The following OR10K1 variants were observed in gnomAD, a reference collection of about 807,000 sequenced individuals.
OR10K1 encodes olfactory receptor family 10 subfamily K member 1, also known as olfactory receptor 10K1.
For missense variants in OR10K1, 404 were observed against 373.3 expected (o/e 1.08, Z -0.68); for synonymous variants, 186 against 152.5 (o/e 1.22, Z -1.62).
chr1:158,467,298 T>A lies in OR10K1; in HGVS notation c.*795T>A, dbSNP rs549025263. On this transcript the variant is annotated 3_prime_UTR_variant, in exon 2 of 2. Transcript: ENST00000641535. ...ATTCCTAGAATGACCAGAAAACTCA[T>A]GGAAAACCCTCCAGTGACTCCCTTT... 1 of 152,266 alleles carries A rather than the reference T, an allele frequency of 6.6e-6. No individual in the cohort carries two copies. The highest frequency in any genetic ancestry group is 2.4e-5 in the African/African-American group (1 of 41,558). The allele number at this position is 152,266 out of a possible 1,614,324, so 9.4% of individuals were successfully genotyped here.
At chr1:158,464,118 C>T (rs1360155984) in intron 1 of OR10K1, among the ~76,000 whole-genome samples, 2 of 151,892 alleles carry the variant, frequency 1.3e-5, no homozygotes, top group Admixed American at 1.3e-4. Flanking sequence ...TAGCAGATGC[C>T]AATAATTTCC....
chr1:158,465,433 T>C lies in OR10K1; in HGVS notation c.-129T>C. The stretch of plus-strand genomic sequence containing the variant: ...GGCATTTTAATGGGGGAATGAAGAA[T>C]TCCATCAAATATCTGGAAATGCCTG... On this transcript the variant is annotated 5_prime_UTR_variant, in exon 2 of 2. Coordinates refer to ENST00000641535, the MANE Select transcript of OR10K1 (RefSeq NM_001004473.2). 1.4e-6 allele frequency: 1 copy of C among 705,176 alleles called. No individual in the cohort carries two copies. Among genetic ancestry groups the C allele is most frequent in the South Asian group, 1.9e-5 (1 of 51,938 alleles). 43.7% of individuals were successfully genotyped at this position (705,176 alleles called of 1,614,324 possible). A position where few individuals can be genotyped will look rare whatever the true frequency, so the allele number is the denominator to read the frequency against.
chr1:158,463,732 T>C (rs1655974189), intron 1 of OR10K1, among the ~76,000 whole-genome samples: 1 of 152,160 alleles, frequency 6.6e-6, no homozygotes, highest in African/African-American at 2.4e-5. Context: ...TTGTTTTGAA[T>C]AGACAGGAAA....
chr1:158,463,909 C>T (rs1491195), intron 1 of OR10K1, among the ~76,000 whole-genome samples: 2,699 of 151,966 alleles, frequency 0.018, 84 homozygotes, highest in African/African-American at 0.063. Flanking sequence ...GTTATACTAA[C>T]GTTATTAAAA....
At chr1:158,464,322 T>G (rs1446091814) in intron 1 of OR10K1, among the ~76,000 whole-genome samples, 1 of 152,156 alleles carries the variant, frequency 6.6e-6, no homozygotes, top group African/African-American at 2.4e-5. Flanking sequence ...TGCAAAATAT[T>G]TTTAGTGGCA....
In OR10K1 at chr1:158,466,356, T is replaced by C; in HGVS notation, c.795T>C (p.Asn265=). 1 of 1,614,022 alleles carries C rather than the reference T, an allele frequency of 6.2e-7. No individual in the cohort carries two copies. The highest frequency in any genetic ancestry group is 8.5e-7 in the Non-Finnish European group (1 of 1,179,964). ...TCATCTACTTAAGGCCCAAGACTAATTACACTTCAAGCCAAGACACCCTAA... is the reference window on the plus strand; with the variant it reads ...TCATCTACTTAAGGCCCAAGACTAACTACACTTCAAGCCAAGACACCCTAA... ...ASFIYLRPKT[N]YTSSQDTLIS... The change falls in exon 2 of 2, where the codon AAT becomes AAC. Residue 265 remains asparagine, a synonymous_variant. Coordinates refer to ENST00000641535, the MANE Select transcript of OR10K1 (RefSeq NM_001004473.2).
In OR10K1 at chr1:158,466,238, T is replaced by C. The variant is rs753507254; in HGVS notation, c.677T>C (p.Leu226Pro). Residue 226 changes from leucine to proline, a missense_variant, in exon 2 of 2, where the codon CTA becomes CCA. By Grantham distance (98) the Leu-to-Pro change is moderately conservative. Coordinates refer to ENST00000641535, the MANE Select transcript of OR10K1 (RefSeq NM_001004473.2). ...TACATCCGCATCATCTCTGCCATTC[T>C]AAAAATCCCTTCCTCCGTTGGAAGA... Reference protein sequence around the residue: ...VSYIRIISAILKIPSSVGRYK... With the variant: ...VSYIRIISAIPKIPSSVGRYK... 4 of 1,614,062 alleles carry C rather than the reference T, an allele frequency of 2.5e-6. No homozygotes were observed. The highest frequency in any genetic ancestry group is 2.7e-5 in the African/African-American group (2 of 74,932).
chr1:158,461,865 C>A lies in OR10K1; in HGVS notation c.-196C>A, dbSNP rs1262497730. The A allele has an allele frequency of 6.6e-6, 1 of 152,376 alleles. No individual in the cohort carries two copies. Among genetic ancestry groups the A allele is most frequent in the Non-Finnish European group, 1.5e-5 (1 of 68,188 alleles). 9.4% of individuals were successfully genotyped at this position (152,376 alleles called of 1,614,324 possible). A position where few individuals can be genotyped will look rare whatever the true frequency, so the allele number is the denominator to read the frequency against. On this transcript the variant is annotated 5_prime_UTR_variant, in exon 1 of 2. Transcript: ENST00000641535. Reference sequence around the variant, plus strand: ...TGATGGGTAGTGTTTGAGAAAGCCTCTTTCTGTGCCTCCCATGGAGATCAG... The same window carrying A: ...TGATGGGTAGTGTTTGAGAAAGCCTATTTCTGTGCCTCCCATGGAGATCAG...
rs900941157 is a variant in OR10K1, at chr1:158,466,359, C to T, written c.798C>T (p.Tyr266=). The change falls in exon 2 of 2, where the codon TAC becomes TAT. Residue 266 remains tyrosine, a synonymous_variant. Coordinates refer to ENST00000641535, the MANE Select transcript of OR10K1 (RefSeq NM_001004473.2). ...SFIYLRPKTN[Y]TSSQDTLISV... is the part of the protein sequence containing the mutation. ...TCTACTTAAGGCCCAAGACTAATTA[C>T]ACTTCAAGCCAAGACACCCTAATAT... 2 of 1,613,970 alleles carry T rather than the reference C, an allele frequency of 1.2e-6. No homozygotes were observed. Among genetic ancestry groups the T allele is most frequent in the South Asian group, 2.2e-5 (2 of 91,076 alleles).
intron 1 of OR10K1, among the ~76,000 whole-genome samples, chr1:158,464,076 AAAATGG>A (rs1422765549): frequency 6.6e-6 from 1 of 152,202 alleles, no homozygotes; most frequent in Non-Finnish European, 1.5e-5. Flanking sequence ...ATTGAATAGA[AAAATGG>A]AAAAGTAACA....
At position 158,465,572 on chromosome 1, in the gene OR10K1, T is replaced by C. The variant is rs1656016190; in HGVS notation, c.11T>C (p.Val4Ala). The C allele has an allele frequency of 1.2e-6, 2 of 1,613,672 alleles. No individual in the cohort carries two copies. The highest frequency in any genetic ancestry group is 1.7e-6 in the Non-Finnish European group (2 of 1,179,840). Residue 4 changes from valine (V) to alanine (A), a missense_variant, in exon 2 of 2, where the codon GTC becomes GCC. Transcript: ENST00000641535. ...ATAGAAGTGCTCTCCATGGAGCAAGTCAATAAGACTGTGGTGAGAGAGTTC... is the reference window on the plus strand; with the variant it reads ...ATAGAAGTGCTCTCCATGGAGCAAGCCAATAAGACTGTGGTGAGAGAGTTC... Reference protein sequence around the residue: MEQVNKTVVREFVV... With the variant: MEQANKTVVREFVV...
At chr1:158,464,369 A>T (rs1655990015) in intron 1 of OR10K1, among the ~76,000 whole-genome samples, 1 of 152,198 alleles carries the variant, frequency 6.6e-6, no homozygotes, top group Admixed American at 6.5e-5. Context: ...ATAACAACAT[A>T]CAAAAGATAC....
chr1:158,463,625 G>A (rs566310990), intron 1 of OR10K1, among the ~76,000 whole-genome samples: 1 of 152,328 alleles, frequency 6.6e-6, no homozygotes, highest in East Asian at 1.9e-4. Flanking sequence ...CCTAGTGGCG[G>A]TTAAAGGTTG....
rs770061087 is a variant in OR10K1 at position 158,465,833 on chromosome 1, C to A, written c.272C>A (p.Thr91Asn). Residue 91 changes from threonine to asparagine, a missense_variant, in exon 2 of 2, where the codon ACC becomes AAC. Thr to Asn is a moderately conservative substitution (Grantham distance 65). Transcript: ENST00000641535. ...MLVDLLSQKK[T>N]ISFLGCAIQM... ...GTTGACCTGCTGTCCCAGAAGAAGA[C>A]CATTTCTTTCCTGGGCTGTGCCATC... The A allele has an allele frequency of 1.2e-6, 2 of 1,614,112 alleles. No individual in the cohort carries two copies. Among genetic ancestry groups the A allele is most frequent in the Non-Finnish European group, 1.7e-6 (2 of 1,180,048 alleles).
intron 1 of OR10K1, among the ~76,000 whole-genome samples, chr1:158,464,135 A>G (rs1571284723): frequency 1.3e-5 from 2 of 152,342 alleles, no homozygotes; most frequent in South Asian, 4.1e-4. Flanking sequence ...TTCCCAAGAC[A>G]AAATGATGTA....
rs1196844014 is a variant in OR10K1, at chr1:158,466,249, TC to T, written c.690del (p.Ser231ProfsTer18). The T allele has an allele frequency of 8.7e-6, 14 of 1,614,000 alleles. No homozygotes were observed. The highest frequency in any genetic ancestry group is 1.2e-5 in the Non-Finnish European group (14 of 1,180,018). On this transcript the variant is annotated frameshift_variant, in exon 2 of 2. Coordinates refer to ENST00000641535, the MANE Select transcript of OR10K1 (RefSeq NM_001004473.2). LOFTEE classifies it low-confidence loss of function (END_TRUNC). ...CATCTCTGCCATTCTAAAAATCCCT[TC>T]CTCCGTTGGAAGATACAAGACCTTC... ...RIISAILKIP[S>X]SVGRYKTFST...
chr1:158,466,298 T>C lies in OR10K1; in HGVS notation c.737T>C (p.Ile246Thr), dbSNP rs200511689. 304 of 1,614,006 alleles carry C rather than the reference T, an allele frequency of 1.9e-4. No individual in the cohort carries two copies. Among genetic ancestry groups the C allele is most frequent in the Middle Eastern group, 3.3e-4 (2 of 6,084 alleles). The change falls in exon 2 of 2, where the codon ATT becomes ACT. Residue 246 changes from isoleucine to threonine, a missense_variant. Transcript: ENST00000641535. ...KTFSTCASHL[I>T]VVTVHYSCAS... ...TTCTCCACCTGTGCCTCCCATCTCA[T>C]TGTGGTAACTGTTCACTACAGTTGT...
chr1:158,464,742 G>A (rs187436170), intron 1 of OR10K1, among the ~76,000 whole-genome samples: 24 of 152,154 alleles, frequency 1.6e-4, no homozygotes, highest in African/African-American at 4.6e-4. Context: ...TCCGCCTCCC[G>A]GGCTCAAGTG....
chr1:158,464,088 T>A (rs1358622284), intron 1 of OR10K1, among the ~76,000 whole-genome samples: 1 of 152,108 alleles, frequency 6.6e-6, no homozygotes, highest in Non-Finnish European at 1.5e-5. Context: ...AATGGAAAAG[T>A]AACAGCAACA....
Sources: allele counts gnomAD v4.1 joint callset (sites outside exome capture counted in the v4.1 genomes callset), GRCh38; gene constraint gnomAD v4.1.1; transcripts MANE v1.5; gene names NCBI Gene and HGNC (gene_info 2026-07-23, HGNC 2026-07-21).